The following SMIM14 variants were observed in gnomAD, a reference collection of about 807,000 sequenced individuals.
SMIM14 encodes small integral membrane protein 14.
Under a neutral mutation model 12.6 loss-of-function variants are expected in SMIM14, and 5 were observed. The ratio of observed to expected loss-of-function variants is 0.40; its 90% CI spans 0.21 to 0.83. The LOEUF (loss-of-function observed/expected upper bound fraction) is 0.83, where lower values mean the gene tolerates loss of function less well. Among genes scored for constraint, SMIM14 ranks in the 40% least tolerant of loss-of-function variants. The pLI is 0.37. For synonymous variants in SMIM14, 30 were observed against 40.1 expected, an observed-to-expected ratio of 0.75 and a Z score of 0.95; for missense variants, 86 against 119.1, an observed-to-expected ratio of 0.72 and a Z score of 1.29.
At chr4:39,565,991 T>C (rs1387778924) in intron 3 of SMIM14, among the ~76,000 whole-genome samples, 4 of 151,880 alleles carry the variant, frequency 2.6e-5, no homozygotes, top group Non-Finnish European at 5.9e-5. Context: ...TCCCCAGACA[T>C]GTGGAATTGT....
chr4:39,602,159 G>A lies in SMIM14; in HGVS notation c.75+2912C>T, dbSNP rs554947335. Among the ~76,000 whole-genome samples the A allele has an allele frequency of 2.0e-5, 3 of 151,730 alleles. No individual in the cohort carries two copies. In the South Asian group the frequency reaches 6.3e-4, roughly 32 times the overall value. ...AGCTACTCAGGAGACTGAGGCAGGAGGATTGCTTGAGCCTGGGAGACAGAG... is the reference window on the plus strand; with the variant it reads ...AGCTACTCAGGAGACTGAGGCAGGAAGATTGCTTGAGCCTGGGAGACAGAG... On this transcript the variant is annotated intron_variant, in intron 2 of 4. Coordinates refer to ENST00000295958, the MANE Select transcript of SMIM14 (RefSeq NM_174921.3).
intron 3 of SMIM14, among the ~76,000 whole-genome samples, chr4:39,563,972 G>A (rs759344853): frequency 2.6e-5 from 4 of 151,626 alleles, no homozygotes; most frequent in Non-Finnish European, 5.9e-5. Context: ...TCTGTCACCA[G>A]GCTGGAGTGC....
At chr4:39,582,664 CA>C (rs754978694) in intron 2 of SMIM14, among the ~76,000 whole-genome samples, 43 of 129,266 alleles carry the variant, frequency 3.3e-4, no homozygotes, top group South Asian at 2.4e-3. Flanking sequence ...AACTCCATTT[CA>C]AAAAAAAAAA....
At chr4:39,597,084 C>CTTTTTTTTTTTTTTTTTTTTTTTT (rs1436675514) in intron 2 of SMIM14, among the ~76,000 whole-genome samples, 2 of 133,258 alleles carry the variant, frequency 1.5e-5, no homozygotes, top group African/African-American at 2.8e-5. Flanking sequence ...CCCAGGTTTC[C>CTTTTTTTTTTTTTTTTTTTTTTTT]CTTTTTTTTT....
intron 1 of SMIM14, among the ~76,000 whole-genome samples, chr4:39,631,552 G>A (rs1223310211): frequency 2.6e-5 from 4 of 151,894 alleles, no homozygotes; most frequent in Admixed American, 2.0e-4. Flanking sequence ...CCAGCTACTC[G>A]GGAGGCTGAG....
chr4:39,556,886 C>T (rs1467026238), intron 3 of SMIM14, among the ~76,000 whole-genome samples: 1 of 152,202 alleles, frequency 6.6e-6, no homozygotes, highest in South Asian at 2.1e-4. Context: ...CTTCTATGTT[C>T]ATGGGATCCT....
chr4:39,592,085 A>G (rs1488731073), intron 2 of SMIM14, among the ~76,000 whole-genome samples: 5 of 151,866 alleles, frequency 3.3e-5, no homozygotes, highest in African/African-American at 9.7e-5. Flanking sequence ...AGAACCAGCT[A>G]CTCTGGAGAC....
At chr4:39,584,844 C>T (rs892778465) in intron 2 of SMIM14, among the ~76,000 whole-genome samples, 3 of 137,322 alleles carry the variant, frequency 2.2e-5, no homozygotes, top group Admixed American at 1.4e-4. Context: ...GTAAAGACTA[C>T]AAATAATCAG....
chr4:39,598,894 ATGCACAGC>A (rs1424595445), intron 2 of SMIM14, among the ~76,000 whole-genome samples: 4 of 149,086 alleles, frequency 2.7e-5, no homozygotes, highest in African/African-American at 9.9e-5. Flanking sequence ...TGTAGTCCTG[ATGCACAGC>A]TGCCACCCTG....
intron 4 of SMIM14, 32 bp downstream of exon 4, chr4:39,556,396 C>A: frequency 6.3e-7 from 1 of 1,597,720 alleles, no homozygotes; most frequent in Non-Finnish European, 8.5e-7. Flanking sequence ...CATTCCCTTA[C>A]CCAAAAAGCA....
At chr4:39,629,650 T>C (rs1201327986) in intron 1 of SMIM14, among the ~76,000 whole-genome samples, 1 of 150,562 alleles carries the variant, frequency 6.6e-6, no homozygotes, top group Non-Finnish European at 1.5e-5. Context: ...TGTTTTGAGA[T>C]AGGGTCTCTG....
rs1714319552 is a variant in SMIM14 at position 39,595,557 on chromosome 4, TAATAA to T, written c.75+9509_75+9513del. Among the ~76,000 whole-genome samples the T allele has an allele frequency of 2.0e-5, 3 of 151,664 alleles. No individual in the cohort carries two copies. The South Asian group carries it at 6.3e-4, about 32-fold the overall frequency. On this transcript the variant is annotated intron_variant, in intron 2 of 4. Coordinates refer to ENST00000295958, the MANE Select transcript of SMIM14 (RefSeq NM_174921.3). ...TACCCTAAAACTTAAAGTATAATAATAATAAAATAAAAGAGTTTCTTCTTCAATGA... is the reference window on the plus strand; with the variant it reads ...TACCCTAAAACTTAAAGTATAATAATAATAAAAGAGTTTCTTCTTCAATGA...
chr4:39,598,014 T>G (rs1714445260), intron 2 of SMIM14, among the ~76,000 whole-genome samples: 1 of 152,202 alleles, frequency 6.6e-6, no homozygotes, highest in African/African-American at 2.4e-5. Flanking sequence ...CCTTCTCACT[T>G]TATTTACAAC....
intron 2 of SMIM14, 32 bp downstream of exon 2, chr4:39,605,039 G>A (rs761469883): frequency 7.4e-7 from 1 of 1,352,464 alleles, no homozygotes; most frequent in South Asian, 1.2e-5. Context: ...ATACAGATCA[G>A]TTCAGAATAG....
At chr4:39,572,545 C>T (rs1712951356) in intron 2 of SMIM14, 82 bp from the exon 3 acceptor site, 22 of 1,225,060 alleles carry the variant, frequency 1.8e-5, no homozygotes, top group East Asian at 2.4e-5. Flanking sequence ...ATGTTTTGGC[C>T]GGGTGCGGTG....
chr4:39,559,853 A>G (rs1406518078), intron 3 of SMIM14, among the ~76,000 whole-genome samples: 1 of 152,116 alleles, frequency 6.6e-6, no homozygotes, highest in African/African-American at 2.4e-5. Flanking sequence ...GTGGCAGCTC[A>G]TGTCTGTAAT....
At chr4:39,554,125 A>C (rs942718386) in intron 4 of SMIM14, among the ~76,000 whole-genome samples, 6 of 152,230 alleles carry the variant, frequency 3.9e-5, no homozygotes, top group Admixed American at 3.9e-4. Flanking sequence ...CAATTATTTT[A>C]GGAATTCCAC....
intron 2 of SMIM14, among the ~76,000 whole-genome samples, chr4:39,577,559 C>A (rs1713269738): frequency 6.6e-6 from 1 of 151,820 alleles, no homozygotes; most frequent in Admixed American, 6.6e-5. Context: ...TCCCAAGTAG[C>A]TGAGATTACA....
rs913786519 is a variant in SMIM14, at chr4:39,558,641, G to C, written c.125-2071C>G. 2.0e-5 allele frequency among the ~76,000 whole-genome samples: 3 copies of C among 152,202 alleles called. No homozygotes were observed. The highest frequency in any genetic ancestry group is 7.2e-5 in the African/African-American group (3 of 41,444). ...AGAAACAATCCCACAGCTGGAAAAA[G>C]GGAGTTGCACAGACAGCTTTTCGAA... On this transcript the variant is annotated intron_variant, in intron 3 of 4. Transcript: ENST00000295958. This position sits in a 1 kb window ranked among gnomAD's most constrained non-coding sequence, Gnocchi z 4.3.
Sources: allele counts gnomAD v4.1 joint callset (sites outside exome capture counted in the v4.1 genomes callset), GRCh38; gene constraint gnomAD v4.1.1; non-coding constraint Gnocchi (gnomAD v3.1); transcripts MANE v1.5; gene names NCBI Gene and HGNC (gene_info 2026-07-23, HGNC 2026-07-21).